The following SLC25A35 variants were observed in gnomAD, a reference collection of about 807,000 sequenced individuals.
SLC25A35 encodes the protein solute carrier family 25, member 35.
Under a neutral mutation model 30.5 loss-of-function variants are expected in SLC25A35, and 32 were observed. The ratio of observed to expected loss-of-function variants is 1.05; its 90% CI spans 0.79 to 1.41. The LOEUF (loss-of-function observed/expected upper bound fraction) is 1.41, where lower values mean the gene tolerates loss of function less well. SLC25A35 is among the 40% of genes most tolerant of loss of function. The pLI is 0.00. For synonymous variants in SLC25A35, 142 were observed against 158.1 expected, an observed-to-expected ratio of 0.90 and a Z score of 0.77; for missense variants, 369 against 388.0, an observed-to-expected ratio of 0.95 and a Z score of 0.41.
intron 1 of SLC25A35, among the ~76,000 whole-genome samples, chr17:8,293,950 C>G (rs1490861310): frequency 1.4e-5 from 2 of 141,012 alleles, no homozygotes; most frequent in Non-Finnish European, 3.0e-5. Flanking sequence ...TAGCCTTGCT[C>G]TGTGGCCCAG....
chr17:8,293,249 A>C (rs1990626147), intron 1 of SLC25A35, among the ~76,000 whole-genome samples: 1 of 152,168 alleles, frequency 6.6e-6, no homozygotes, highest in Non-Finnish European at 1.5e-5. Context: ...GATAACTCAA[A>C]GGGGCAGATG....
At chr17:8,293,151 C>T (rs1990621643) in intron 1 of SLC25A35, among the ~76,000 whole-genome samples, 2 of 152,206 alleles carry the variant, frequency 1.3e-5, no homozygotes, top group African/African-American at 4.8e-5. Context: ...CTAAGCAGGG[C>T]CTAGTCCTAG....
chr17:8,295,389 A>T lies in SLC25A35; in HGVS notation c.-582T>A, dbSNP rs1990788805. 1 of 983,562 alleles carries T rather than the reference A, an allele frequency of 1.0e-6. No homozygotes were observed. The highest frequency in any genetic ancestry group is 1.1e-4 in the East Asian group (1 of 8,786). The allele number at this position is 983,562 out of a possible 1,614,324, so 60.9% of individuals were successfully genotyped here. A position where few individuals can be genotyped will look rare whatever the true frequency, so the allele number is the denominator to read the frequency against. ...TAGCCTGCGGAGGCCGGGCCGCCAC[A>T]CTCCTGCCACTGGAGCGCGGGGCCA... is the stretch of plus-strand genomic sequence containing the variant. On this transcript the variant is annotated 5_prime_UTR_variant, in exon 1 of 5. Transcript: ENST00000577745.
chr17:8,294,496 G>T lies in SLC25A35; in HGVS notation c.312C>A (p.Arg104=). ...HTAEGTHSPA[R]SAAAGAMAGV... is the part of the protein sequence containing the mutation. ...CAGCCATGGCCCCAGCTGCTGCGCT[G>T]CGGGCAGGACTGTGGGTGCCTTCGG... The change falls in exon 1 of 5, where the codon CGC becomes CGA. Residue 104 remains arginine, a synonymous_variant. Coordinates refer to ENST00000577745, the MANE Select transcript of SLC25A35 (RefSeq NM_001320870.2). The T allele has an allele frequency of 6.2e-7, 1 of 1,611,862 alleles. No homozygotes were observed. Among genetic ancestry groups the T allele is most frequent in the African/African-American group, 1.3e-5 (1 of 74,996 alleles).
rs757254749 is a variant in SLC25A35, at chr17:8,294,671, A to G, written c.137T>C (p.Val46Ala). 9 of 1,614,072 alleles carry G rather than the reference A, an allele frequency of 5.6e-6. No individual in the cohort carries two copies. In the Admixed American group the frequency reaches 6.7e-5, roughly 12 times the overall value. The change falls in exon 1 of 5, where the codon GTC becomes GCC. Residue 46 changes from valine to alanine, a missense_variant. Val to Ala is a moderately conservative substitution (Grantham distance 64). Coordinates refer to ENST00000577745, the MANE Select transcript of SLC25A35 (RefSeq NM_001320870.2). Reference protein sequence around the residue: ...PGTYQRHYRNVFHAFITIGKV... With the variant: ...PGTYQRHYRNAFHAFITIGKV... Reference sequence around the variant, plus strand: ...GCCGATGGTGATGAAGGCATGGAAGACATTTCGGTAGTGCCGCTGGTATGT... The same window carrying G: ...GCCGATGGTGATGAAGGCATGGAAGGCATTTCGGTAGTGCCGCTGGTATGT...
intron 1 of SLC25A35, among the ~76,000 whole-genome samples, chr17:8,292,850 G>A (rs1372020944): frequency 3.3e-5 from 5 of 152,156 alleles, no homozygotes; most frequent in Admixed American, 3.3e-4. Flanking sequence ...GCAGTCGGGG[G>A]TGGAGTGGTT....
Position 8,295,143 on chromosome 17 carries a change from G to A in SLC25A35, c.-336C>T. 6.6e-6 allele frequency: 7 copies of A among 1,058,736 alleles called. No homozygotes were observed. The South Asian group carries it at 2.5e-4, about 38-fold the overall frequency. 65.6% of individuals were successfully genotyped at this position (1,058,736 alleles called of 1,614,324 possible). A position where few individuals can be genotyped will look rare whatever the true frequency, so the allele number is the denominator to read the frequency against. ...GATGGCGGGCGACGGGAGCACGGGAGTAGAGGAGGGAATCGCGGGGTTGGG... is the reference window on the plus strand; with the variant it reads ...GATGGCGGGCGACGGGAGCACGGGAATAGAGGAGGGAATCGCGGGGTTGGG... On this transcript the variant is annotated 5_prime_UTR_variant, in exon 1 of 5. Coordinates refer to ENST00000577745, the MANE Select transcript of SLC25A35 (RefSeq NM_001320870.2).
downstream of SLC25A35, chr17:8,289,058 C>A (rs746995613): frequency 5.0e-6 from 8 of 1,613,582 alleles, no homozygotes; most frequent in Non-Finnish European, 6.8e-6. Flanking sequence ...ACGTACGGGG[C>A]GAAGCGGCTG....
chr17:8,290,384 TG>T lies in SLC25A35; in HGVS notation c.*120del. 6.9e-7 allele frequency: 1 copy of T among 1,456,666 alleles called. No individual in the cohort carries two copies. Among genetic ancestry groups the T allele is most frequent in the Non-Finnish European group, 9.0e-7 (1 of 1,107,796 alleles). 90.2% of individuals were successfully genotyped at this position (1,456,666 alleles called of 1,614,324 possible). A position where few individuals can be genotyped will look rare whatever the true frequency, so the allele number is the denominator to read the frequency against. On this transcript the variant is annotated 3_prime_UTR_variant, in exon 5 of 5. Transcript: ENST00000577745. ...TTCAACCCTGAGAACAGATGGGGAG[TG>T]GGGTTGGCTGTCCCCCATGGATGGA...
chr17:8,292,602 A>G lies in SLC25A35; in HGVS notation c.376-14T>C. Reference sequence around the variant, plus strand: ...GTGTGTCTTCACCTGGGAACAAGAGAATATCATAGCCTGTGCCCCAGTGGC... The same window carrying G: ...GTGTGTCTTCACCTGGGAACAAGAGGATATCATAGCCTGTGCCCCAGTGGC... On this transcript the variant is annotated splice_polypyrimidine_tract_variant and intron_variant, in intron 1 of 4. Coordinates refer to ENST00000577745, the MANE Select transcript of SLC25A35 (RefSeq NM_001320870.2). The G allele has an allele frequency of 6.2e-7, 1 of 1,613,842 alleles. No homozygotes were observed.
intron 1 of SLC25A35, 67 bp from the exon 2 acceptor site, chr17:8,292,655 TCA>T: frequency 3.7e-6 from 5 of 1,356,068 alleles, no homozygotes; most frequent in Non-Finnish European, 5.3e-6. Context: ...ACCAAATGTC[TCA>T]CCCCCTCACA....
At position 8,290,953 on chromosome 17, in the gene SLC25A35, C is replaced by T; in HGVS notation, c.618G>A (p.Lys206=). 6.2e-7 allele frequency: 1 copy of T among 1,614,144 alleles called. No individual in the cohort carries two copies. Among genetic ancestry groups the T allele is most frequent in the Non-Finnish European group, 8.5e-7 (1 of 1,180,018 alleles). The part of the protein sequence containing the change: ...QWEIFPPQSW[K]LALVAAMMSG... Reference sequence around the variant, plus strand: ...TCATCATGGCAGCCACCAGCGCCAACTTCCAGCTCTGGGGAGGAAAGATCT... The same window carrying T: ...TCATCATGGCAGCCACCAGCGCCAATTTCCAGCTCTGGGGAGGAAAGATCT... The change falls in exon 4 of 5, where the codon AAG becomes AAA. Residue 206 remains lysine (K), a synonymous_variant. Transcript: ENST00000577745.
Position 8,290,299 on chromosome 17 carries a change from G to A in SLC25A35, c.*206C>T. The A allele has an allele frequency of 7.0e-7, 1 of 1,428,750 alleles. No homozygotes were observed. Among genetic ancestry groups the A allele is most frequent in the Middle Eastern group, 2.6e-4 (1 of 3,864 alleles). The allele number at this position is 1,428,750 out of a possible 1,614,324, so 88.5% of individuals were successfully genotyped here. On this transcript the variant is annotated 3_prime_UTR_variant, in exon 5 of 5. Coordinates refer to ENST00000577745, the MANE Select transcript of SLC25A35 (RefSeq NM_001320870.2). ...GAGGGGTGTGAGTTACCCAGGGAAT[G>A]GGTAGGGAAGGTTTAAAGCAACACC...
chr17:8,288,664 G>A, downstream of SLC25A35: 2 of 1,120,128 alleles, frequency 1.8e-6, no homozygotes, highest in Non-Finnish European at 2.7e-6. Flanking sequence ...AAATCTTAAA[G>A]GATCCGGGAG....
intron 3 of SLC25A35, 116 bp from the exon 4 acceptor site, chr17:8,291,092 C>T: frequency 7.1e-7 from 1 of 1,400,052 alleles, no homozygotes; most frequent in Non-Finnish European, 9.7e-7. Flanking sequence ...TCCACTGCAC[C>T]AGTTATAACA....
At chr17:8,288,591 G>A (rs1990224336), downstream of SLC25A35, 4 of 658,528 alleles carry the variant, frequency 6.1e-6, no homozygotes, top group Non-Finnish European at 1.1e-5. Context: ...CCGGAGCAAA[G>A]CCGCTGACCC....
At chr17:8,289,611 G>C (rs568248288), downstream of SLC25A35, 15 of 1,609,392 alleles carry the variant, frequency 9.3e-6, no homozygotes, top group African/African-American at 1.3e-5. Context: ...GAACGGGCGG[G>C]TATCTCATGA....
At position 8,291,331 on chromosome 17, in the gene SLC25A35, A is replaced by G. The variant is rs753118897; in HGVS notation, c.594+2T>C. On this transcript the variant is annotated splice_donor_variant, in intron 3 of 4. Transcript: ENST00000577745. LOFTEE classifies it high-confidence loss of function. ...CAGACCCACCCATTTCCCAGGCAGT[A>G]CCTCCCACTGGCTCAGGAGGTCCTT... 4 of 1,613,528 alleles carry G rather than the reference A, an allele frequency of 2.5e-6. No individual in the cohort carries two copies. The highest frequency in any genetic ancestry group is 4.5e-5 in the East Asian group (2 of 44,834).
At position 8,290,412 on chromosome 17, in the gene SLC25A35, G is replaced by A; in HGVS notation, c.*93C>T. ...GGTTGGCTGTCCCCCATGGATGGATGAAAGGTCACCTAATCAGTAGTCACC... is the reference window on the plus strand; with the variant it reads ...GGTTGGCTGTCCCCCATGGATGGATAAAAGGTCACCTAATCAGTAGTCACC... On this transcript the variant is annotated 3_prime_UTR_variant, in exon 5 of 5. Transcript: ENST00000577745. 6.7e-7 allele frequency: 1 copy of A among 1,484,902 alleles called. No homozygotes were observed. The highest frequency in any genetic ancestry group is 8.9e-7 in the Non-Finnish European group (1 of 1,119,646). 92.0% of individuals were successfully genotyped at this position (1,484,902 alleles called of 1,614,324 possible).
Sources: allele counts gnomAD v4.1 joint callset (sites outside exome capture counted in the v4.1 genomes callset), GRCh38; gene constraint gnomAD v4.1.1; transcripts MANE v1.5; gene names NCBI Gene and HGNC (gene_info 2026-07-23, HGNC 2026-07-21).